The following SNX18 variants were observed in gnomAD, a reference collection of about 807,000 sequenced individuals.
SNX18 encodes sorting nexin-18.
SNX18 carries 35 observed loss-of-function variants against 48.7 expected under a neutral mutation model. The observed-to-expected ratio is 0.72, with a 90% CI of 0.55 to 0.95. The LOEUF is 0.95. Ranked by LOEUF, SNX18 falls within the 40% of genes least tolerant of loss-of-function variation. SNX18 has a pLI of 0.00. For missense variants in SNX18, 824 were observed against 871.0 expected (o/e 0.95, Z 0.68); for synonymous variants, 492 against 384.7 (o/e 1.28, Z -3.26).
At chr5:54,625,030 T>C in the SNX18 span, among the ~76,000 whole-genome samples, 1 of 152,204 alleles carries the variant, frequency 6.6e-6, no homozygotes, top group Admixed American at 6.5e-5. Flanking sequence ...AATTTCCTTT[T>C]ATATTTTGAA....
chr5:54,604,550 G>A, the SNX18 span, among the ~76,000 whole-genome samples: 4 of 152,160 alleles, frequency 2.6e-5, no homozygotes, highest in Non-Finnish European at 5.9e-5. Flanking sequence ...CTGATATGAG[G>A]TAATTTGAAT....
chr5:54,541,083 G>A (rs957853256), intron 1 of SNX18, among the ~76,000 whole-genome samples: 6 of 151,336 alleles, frequency 4.0e-5, no homozygotes, highest in African/African-American at 4.9e-5. Flanking sequence ...GCTGGAGTAC[G>A]GTGGCGCAAT....
chr5:54,598,947 T>C, the SNX18 span, among the ~76,000 whole-genome samples: 2 of 152,224 alleles, frequency 1.3e-5, no homozygotes, highest in Non-Finnish European at 2.9e-5. Flanking sequence ...AAAATGTCTT[T>C]GTCTGCAGAT....
the SNX18 span, among the ~76,000 whole-genome samples, chr5:54,597,500 T>C: frequency 1.3e-5 from 2 of 152,064 alleles, no homozygotes; most frequent in East Asian, 1.9e-4. Flanking sequence ...TAGAAGTAAA[T>C]CACTCCTCAG....
chr5:54,587,678 T>A, the SNX18 span, among the ~76,000 whole-genome samples: 1 of 152,198 alleles, frequency 6.6e-6, no homozygotes, highest in Admixed American at 6.5e-5. Context: ...TTTAGTTCAC[T>A]TGGCAGTTAA....
chr5:54,640,858 A>G, the SNX18 span, among the ~76,000 whole-genome samples: 1 of 152,162 alleles, frequency 6.6e-6, no homozygotes. Context: ...TCAGGAGCTC[A>G]AGACCGGCCT....
At chr5:54,590,936 C>T in the SNX18 span, among the ~76,000 whole-genome samples, 1 of 152,170 alleles carries the variant, frequency 6.6e-6, no homozygotes, top group Admixed American at 6.5e-5. Context: ...ATTCTCCCCT[C>T]ACTGGCATGG....
Position 54,518,120 on chromosome 5 carries a change from G to T in SNX18, c.168G>T (p.Val56=), listed in dbSNP as rs1029202690. ...GCGGCCTCTTCCCGGCCTCCTATGT[G>T]CAGGTGATCCGCGCCCCCGAGCCTG... The part of the protein sequence containing the change: ...GDRGLFPASY[V]QVIRAPEPGP... Residue 56 remains valine, a synonymous_variant, in exon 1 of 2, where the codon GTG becomes GTT. Transcript: ENST00000381410. The T allele has an allele frequency of 1.4e-6, 2 of 1,466,530 alleles. No individual in the cohort carries two copies. Among genetic ancestry groups the T allele is most frequent in the Non-Finnish European group, 9.0e-7 (1 of 1,115,326 alleles). 90.8% of individuals were successfully genotyped at this position (1,466,530 alleles called of 1,614,324 possible). A position where few individuals can be genotyped will look rare whatever the true frequency, so the allele number is the denominator to read the frequency against.
chr5:54,556,871 A>G, the SNX18 span, among the ~76,000 whole-genome samples: 17 of 152,158 alleles, frequency 1.1e-4, no homozygotes, highest in Non-Finnish European at 1.8e-4. Context: ...GAATATTTTA[A>G]TGTTTTAAAT....
At chr5:54,623,975 T>C in the SNX18 span, among the ~76,000 whole-genome samples, 3 of 152,180 alleles carry the variant, frequency 2.0e-5, no homozygotes, top group Admixed American at 2.0e-4. Context: ...AGTAAGCATA[T>C]CTTTTAAAGT....
the SNX18 span, among the ~76,000 whole-genome samples, chr5:54,588,735 T>C: frequency 7.9e-5 from 12 of 152,198 alleles, no homozygotes. Context: ...AACAGTACTG[T>C]CATTTACTTG....
chr5:54,624,179 T>C, the SNX18 span, among the ~76,000 whole-genome samples: 1 of 152,202 alleles, frequency 6.6e-6, no homozygotes, highest in Non-Finnish European at 1.5e-5. Context: ...TTGCATACTA[T>C]ATAGTATCAA....
chr5:54,521,863 C>T (rs1250053835), intron 1 of SNX18, among the ~76,000 whole-genome samples: 2 of 152,062 alleles, frequency 1.3e-5, no homozygotes, highest in Non-Finnish European at 2.9e-5. Context: ...CCACCATGCC[C>T]GGCCTAGTTT....
At chr5:54,628,357 C>T in the SNX18 span, among the ~76,000 whole-genome samples, 2 of 152,188 alleles carry the variant, frequency 1.3e-5, no homozygotes, top group African/African-American at 2.4e-5. Context: ...CACTATTCTT[C>T]TCCCTCCTGG....
chr5:54,640,057 C>T, the SNX18 span, among the ~76,000 whole-genome samples: 1 of 152,138 alleles, frequency 6.6e-6, no homozygotes, highest in Non-Finnish European at 1.5e-5. Context: ...TTATGGACCT[C>T]AATTTTCAAC....
the SNX18 span, among the ~76,000 whole-genome samples, chr5:54,602,199 T>C: frequency 2.7e-3 from 409 of 152,200 alleles, 1 homozygote; most frequent in African/African-American, 9.3e-3. Context: ...GGAGGGGTGA[T>C]TGAAGCTCTG....
chr5:54,612,224 T>G, the SNX18 span, among the ~76,000 whole-genome samples: 2 of 151,798 alleles, frequency 1.3e-5, no homozygotes, highest in Admixed American at 6.6e-5. Context: ...AAGAGTAGAT[T>G]CTTTCCAATT....
At chr5:54,580,226 C>A in the SNX18 span, among the ~76,000 whole-genome samples, 1 of 152,172 alleles carries the variant, frequency 6.6e-6, no homozygotes, top group Non-Finnish European at 1.5e-5. Context: ...CTGGCCTTAA[C>A]AAATACTAGT....
At chr5:54,618,624 A>G in the SNX18 span, among the ~76,000 whole-genome samples, 1 of 152,220 alleles carries the variant, frequency 6.6e-6, no homozygotes, top group Non-Finnish European at 1.5e-5. Context: ...ATAAATGTGC[A>G]GTTTTCCTTT....
Sources: allele counts gnomAD v4.1 joint callset (sites outside exome capture counted in the v4.1 genomes callset), GRCh38; gene constraint gnomAD v4.1.1; transcripts MANE v1.5; gene names NCBI Gene and HGNC (gene_info 2026-07-23, HGNC 2026-07-21).